ARB2A: variants seen among roughly 807,000 people sequenced by gnomAD.
ARB2A encodes the protein ARB2 cotranscriptional regulator A.
At chr5:93,964,427 G>A in the ARB2A span, 1 of 1,424,782 alleles carries the variant, frequency 7.0e-7, no homozygotes, top group Non-Finnish European at 9.6e-7. Context: ...CATTTCATTT[G>A]AAATAAACAT....
At chr5:93,684,720 T>C in the ARB2A span, among the ~76,000 whole-genome samples, 1 of 152,208 alleles carries the variant, frequency 6.6e-6, no homozygotes, top group East Asian at 1.9e-4. Context: ...AGAGTTCTTT[T>C]TATTTCCTTT....
chr5:93,787,576 A>C, the ARB2A span, among the ~76,000 whole-genome samples: 1 of 152,224 alleles, frequency 6.6e-6, no homozygotes, highest in African/African-American at 2.4e-5. Flanking sequence ...AGACAGTTTA[A>C]GAAACCAGTT....
the ARB2A span, among the ~76,000 whole-genome samples, chr5:93,821,923 G>A: frequency 6.7e-6 from 1 of 148,872 alleles, no homozygotes; most frequent in Non-Finnish European, 1.5e-5. Flanking sequence ...AAAAAAAAAC[G>A]AAGATGAGAT....
the ARB2A span, among the ~76,000 whole-genome samples, chr5:94,012,213 T>C: frequency 0.016 from 2,475 of 152,140 alleles, 30 homozygotes; most frequent in South Asian, 0.039. Flanking sequence ...CCATCCTGGC[T>C]AACACGGTGA....
chr5:93,786,552 T>C, the ARB2A span, among the ~76,000 whole-genome samples: 20 of 152,262 alleles, frequency 1.3e-4, no homozygotes, highest in Non-Finnish European at 1.5e-5. Context: ...AAGAGCGGTT[T>C]ACAAATTAAC....
chr5:94,047,385 G>A, the ARB2A span, among the ~76,000 whole-genome samples: 19 of 152,052 alleles, frequency 1.2e-4, no homozygotes, highest in African/African-American at 4.1e-4. Flanking sequence ...CCAGCTACTC[G>A]GGAGGCTGAG....
chr5:94,100,617 G>T, the ARB2A span, among the ~76,000 whole-genome samples: 17 of 151,896 alleles, frequency 1.1e-4, no homozygotes, highest in African/African-American at 3.6e-4. Flanking sequence ...AGAATACAGA[G>T]ACCACAAATA....
At chr5:94,095,553 T>C in the ARB2A span, among the ~76,000 whole-genome samples, 147 of 152,014 alleles carry the variant, frequency 9.7e-4, no homozygotes, top group African/African-American at 3.5e-3. Flanking sequence ...TTTTAGTTTT[T>C]ACAAACATTA....
the ARB2A span, among the ~76,000 whole-genome samples, chr5:93,942,805 C>CCAGGAA: frequency 6.6e-6 from 1 of 152,128 alleles, no homozygotes; most frequent in East Asian, 1.9e-4. Flanking sequence ...GCATAAACTT[C>CCAGGAA]CAGGAACATT....
the ARB2A span, among the ~76,000 whole-genome samples, chr5:93,858,433 C>T: frequency 4.6e-5 from 7 of 152,214 alleles, no homozygotes; most frequent in Admixed American, 1.3e-4. Context: ...GCTTTGCAGG[C>T]AGGCTTTTCT....
At chr5:93,937,925 T>C in the ARB2A span, among the ~76,000 whole-genome samples, 1 of 152,320 alleles carries the variant, frequency 6.6e-6, no homozygotes, top group East Asian at 1.9e-4. Context: ...ATATATTTAG[T>C]ACAGAAGAAA....
chr5:93,644,445 A>G, the ARB2A span, among the ~76,000 whole-genome samples: 4,153 of 152,216 alleles, frequency 0.027, 165 homozygotes, highest in African/African-American at 0.094. Context: ...ACACACCCCA[A>G]CTGCAGACTG....
At chr5:93,817,803 A>G in the ARB2A span, among the ~76,000 whole-genome samples, 2 of 152,248 alleles carry the variant, frequency 1.3e-5, no homozygotes, top group South Asian at 2.1e-4. Context: ...CTCACACAAT[A>G]TACAAAAACT....
At chr5:93,819,776 A>G in the ARB2A span, among the ~76,000 whole-genome samples, 1 of 152,222 alleles carries the variant, frequency 6.6e-6, no homozygotes, top group East Asian at 1.9e-4. Flanking sequence ...GAGAGTAGAG[A>G]GAGGTTGAGT....
chr5:93,758,920 A>C, the ARB2A span, among the ~76,000 whole-genome samples: 1 of 152,154 alleles, frequency 6.6e-6, no homozygotes, highest in East Asian at 1.9e-4. Context: ...ATGAAACCAA[A>C]ACAAAGGAAA....
the ARB2A span, among the ~76,000 whole-genome samples, chr5:93,785,354 A>AT: frequency 6.6e-6 from 1 of 152,158 alleles, no homozygotes; most frequent in South Asian, 2.1e-4. Context: ...TTTCATAATA[A>AT]TGTTCTTTTT....
chr5:93,912,428 C>T, the ARB2A span, among the ~76,000 whole-genome samples: 6 of 151,786 alleles, frequency 4.0e-5, no homozygotes, highest in East Asian at 9.7e-4. Context: ...TCTGATTCAA[C>T]GTGTCCATTT....
At chr5:93,900,329 T>C in the ARB2A span, among the ~76,000 whole-genome samples, 31 of 152,164 alleles carry the variant, frequency 2.0e-4, no homozygotes, top group Non-Finnish European at 1.5e-4. Context: ...ATGTGATACA[T>C]GGGCTGGGAG....
the ARB2A span, among the ~76,000 whole-genome samples, chr5:93,853,353 T>G: frequency 2.6e-5 from 4 of 152,220 alleles, no homozygotes; most frequent in African/African-American, 9.6e-5. Flanking sequence ...TAAGGAGATT[T>G]TGGGCTGAGA....
Sources: gnomAD v4.1 joint callset for allele counts (sites outside exome capture counted in the v4.1 genomes callset) on GRCh38, gnomAD v4.1.1 for gene constraint, MANE v1.5 for transcripts, NCBI Gene and HGNC (gene_info 2026-07-23, HGNC 2026-07-21) for gene names.